ZBTB7C: variants seen among roughly 807,000 people sequenced by gnomAD.
ZBTB7C encodes zinc finger and BTB domain-containing protein 7C.
ZBTB7C carries 8 observed loss-of-function variants against 25.7 expected under a neutral mutation model. The observed-to-expected ratio is 0.31, with a 90% confidence interval of 0.18 to 0.56. ZBTB7C has a LOEUF of 0.56. Ranked by LOEUF, ZBTB7C falls within the 20% of genes least tolerant of loss-of-function variation. The pLI is 0.91. For missense variants in ZBTB7C, 824 were observed against 855.2 expected, an observed-to-expected ratio of 0.96 and a Z score of 0.46; for synonymous variants, 394 against 369.0, an observed-to-expected ratio of 1.07 and a Z score of -0.78.
chr18:48,165,255 T>G, intron 3 of ZBTB7C: 2 of 542,926 alleles, frequency 3.7e-6, no homozygotes, highest in Non-Finnish European at 6.5e-6. Context: ...AGAGCAGCTC[T>G]GTCTGGGAGA....
Position 48,118,109 on chromosome 18 carries a change from G to A in ZBTB7C, c.-17+67825C>T, listed in dbSNP as rs568547631. Among the ~76,000 whole-genome samples the A allele has an allele frequency of 2.0e-5, 3 of 151,124 alleles. No homozygotes were observed. The East Asian group carries it at 5.9e-4, about 30-fold the overall frequency. Reference sequence around the variant, plus strand: ...CAATCTCCACCTCCCCGGTTCAAGCGATTCCCCTGCCTCAGCCTCCCAAGT... The same window carrying A: ...CAATCTCCACCTCCCCGGTTCAAGCAATTCCCCTGCCTCAGCCTCCCAAGT... On this transcript the variant is annotated intron_variant, in intron 3 of 4. Coordinates refer to ENST00000590800, the MANE Select transcript of ZBTB7C (RefSeq NM_001318841.2).
chr18:48,128,080 C>G (rs1398162783), intron 3 of ZBTB7C, among the ~76,000 whole-genome samples: 1 of 152,200 alleles, frequency 6.6e-6, no homozygotes, highest in African/African-American at 2.4e-5. Flanking sequence ...ATGAAGAGCT[C>G]CACAGGCCTA....
chr18:48,342,315 G>A (rs1166081831), intron 1 of ZBTB7C, among the ~76,000 whole-genome samples: 4 of 152,364 alleles, frequency 2.6e-5, no homozygotes, highest in East Asian at 1.9e-4. Flanking sequence ...TGATGCCAAC[G>A]TCTGGCTGGA....
chr18:48,353,932 G>T, intron 1 of ZBTB7C, among the ~76,000 whole-genome samples: 1 of 152,198 alleles, frequency 6.6e-6, no homozygotes, highest in Non-Finnish European at 1.5e-5. Context: ...GTGGGAAGGA[G>T]AGGGAGATAG....
At chr18:48,050,840 C>T (rs2036657930) in intron 3 of ZBTB7C, among the ~76,000 whole-genome samples, 1 of 152,168 alleles carries the variant, frequency 6.6e-6, no homozygotes, top group African/African-American at 2.4e-5. Flanking sequence ...CCTGGGTTAA[C>T]AATGCCACAT....
chr18:48,069,088 C>G (rs1386407026), intron 3 of ZBTB7C, among the ~76,000 whole-genome samples: 7 of 152,234 alleles, frequency 4.6e-5, no homozygotes, highest in Admixed American at 3.9e-4. Context: ...CTCCAACCAC[C>G]TTGGTATCCC....
chr18:48,396,946 C>T (rs977336541), intron 1 of ZBTB7C, among the ~76,000 whole-genome samples: 8 of 152,180 alleles, frequency 5.3e-5, no homozygotes, highest in African/African-American at 1.9e-4. Flanking sequence ...ATTTAGTGAT[C>T]TGATATTTCT....
chr18:48,392,472 A>C (rs1316063015), intron 1 of ZBTB7C, among the ~76,000 whole-genome samples: 1 of 152,162 alleles, frequency 6.6e-6, no homozygotes, highest in Non-Finnish European at 1.5e-5. Context: ...TCTTGCTTGG[A>C]GTTATTAGGT....
At chr18:48,286,444 T>A (rs1401973433) in intron 2 of ZBTB7C, among the ~76,000 whole-genome samples, 1 of 152,098 alleles carries the variant, frequency 6.6e-6, no homozygotes, top group Non-Finnish European at 1.5e-5. Flanking sequence ...GCACCACTCA[T>A]AAGGATATCA....
chr18:48,210,088 A>G (rs2042669075), intron 2 of ZBTB7C, among the ~76,000 whole-genome samples: 1 of 152,214 alleles, frequency 6.6e-6, no homozygotes, highest in East Asian at 1.9e-4. Context: ...ATTAGCCACC[A>G]GGGAAATGCA....
intron 1 of ZBTB7C, among the ~76,000 whole-genome samples, chr18:48,397,024 C>T (rs2048043208): frequency 6.6e-6 from 1 of 152,164 alleles, no homozygotes; most frequent in African/African-American, 2.4e-5. Context: ...CTAAAATGCC[C>T]TAAGAAGAGA....
At chr18:48,398,277 A>T (rs1300733345) in intron 1 of ZBTB7C, among the ~76,000 whole-genome samples, 1 of 152,260 alleles carries the variant, frequency 6.6e-6, no homozygotes, top group Non-Finnish European at 1.5e-5. Context: ...CTGCTCGGCC[A>T]CTGCTGCCTG....
intron 2 of ZBTB7C, among the ~76,000 whole-genome samples, chr18:48,305,437 A>G (rs1344288068): frequency 6.6e-6 from 1 of 152,162 alleles, no homozygotes; most frequent in Non-Finnish European, 1.5e-5. Context: ...ATCCTGGGAA[A>G]TACTGCCCAG....
At chr18:48,293,327 A>C (rs2045288921) in intron 2 of ZBTB7C, among the ~76,000 whole-genome samples, 1 of 152,154 alleles carries the variant, frequency 6.6e-6, no homozygotes, top group Admixed American at 6.5e-5. Context: ...ATTCATGAGC[A>C]CCCTACCCTA....
chr18:48,292,070 T>C (rs2097099), intron 2 of ZBTB7C, among the ~76,000 whole-genome samples: 111,197 of 151,598 alleles, frequency 0.73, 40,933 homozygotes, highest in Middle Eastern at 0.82. Flanking sequence ...TGGTGGTGGG[T>C]GCCTGTAATT....
chr18:48,112,657 C>T (rs1219232444), intron 3 of ZBTB7C, among the ~76,000 whole-genome samples: 2 of 152,076 alleles, frequency 1.3e-5, no homozygotes, highest in African/African-American at 4.8e-5. Context: ...CCTACTTTTA[C>T]CGTTTTAAAA....
intron 3 of ZBTB7C, among the ~76,000 whole-genome samples, chr18:48,142,388 G>A (rs2040374733): frequency 6.6e-6 from 1 of 152,200 alleles, no homozygotes; most frequent in African/African-American, 2.4e-5. Context: ...GAACCTCCGA[G>A]GGGGAGGTGT....
chr18:48,194,374 AGT>A (rs1250986430), intron 2 of ZBTB7C, among the ~76,000 whole-genome samples: 1 of 152,128 alleles, frequency 6.6e-6, no homozygotes, highest in Non-Finnish European at 1.5e-5. Flanking sequence ...ATTTATGCAG[AGT>A]GGTGATATTG....
chr18:48,208,630 C>T (rs537128697), intron 2 of ZBTB7C, among the ~76,000 whole-genome samples: 5 of 152,240 alleles, frequency 3.3e-5, no homozygotes, highest in African/African-American at 1.2e-4. Flanking sequence ...GTGTTGCCTG[C>T]CCCAGGAGGG....
Sources: allele counts gnomAD v4.1 joint callset (sites outside exome capture counted in the v4.1 genomes callset), GRCh38; gene constraint gnomAD v4.1.1; transcripts MANE v1.5; gene names NCBI Gene and HGNC (gene_info 2026-07-23, HGNC 2026-07-21).